The following SNX1 variants were observed in gnomAD, a reference collection of about 807,000 sequenced individuals.
The protein encoded by SNX1 is sorting nexin-1.
In SNX1, 36 loss-of-function variants were observed where a neutral mutation model predicts 71.8. That is an observed-to-expected ratio of 0.50 (90% CI 0.38 to 0.66). The LOEUF is 0.66. Among genes scored for constraint, SNX1 ranks in the 30% least tolerant of loss-of-function variants. The probability of loss-of-function intolerance (pLI) is 0.00; values close to 1 mark genes in which losing one functional copy is unlikely to be tolerated. For missense variants in SNX1, 612 were observed against 646.7 expected, an observed-to-expected ratio of 0.95 and a Z score of 0.58; for synonymous variants, 254 against 240.7, an observed-to-expected ratio of 1.06 and a Z score of -0.51.
chr15:64,132,848 T>C (rs1794333177), intron 11 of SNX1, among the ~76,000 whole-genome samples: 2 of 152,212 alleles, frequency 1.3e-5, no homozygotes, highest in Admixed American at 6.5e-5. Context: ...TCCTCTCCCA[T>C]TGCTATTTGG....
rs1214152262 is a variant in SNX1 at position 64,138,737 on chromosome 15, G to C, written c.*1119G>C. 6.5e-6 allele frequency: 1 copy of C among 152,852 alleles called. No homozygotes were observed. The highest frequency in any genetic ancestry group is 2.4e-5 in the African/African-American group (1 of 41,462). The allele number at this position is 152,852 out of a possible 1,614,324, so 9.5% of individuals were successfully genotyped here. A position where few individuals can be genotyped will look rare whatever the true frequency, so the allele number is the denominator to read the frequency against. On this transcript the variant is annotated 3_prime_UTR_variant, in exon 15 of 15. Coordinates refer to ENST00000559844, the MANE Select transcript of SNX1 (RefSeq NM_003099.5). ...GCCAGGGGAGGCCAGAGTCTCGTCA[G>C]TCAAGGATGGGCTTCCCCCTTAGCT...
At position 64,137,699 on chromosome 15, in the gene SNX1, G is replaced by A. The variant is rs569007550; in HGVS notation, c.*81G>A. 8.2e-5 allele frequency: 132 copies of A among 1,603,398 alleles called. No individual in the cohort carries two copies. Among genetic ancestry groups the A allele is most frequent in the Non-Finnish European group, 1.1e-4 (124 of 1,173,582 alleles). On this transcript the variant is annotated 3_prime_UTR_variant, in exon 15 of 15. Transcript: ENST00000559844. ...TCCTCCACCTTGATGGACCCCTAGTGATGCATCCTGCCTAGGCTGGACTTA... is the reference window on the plus strand; with the variant it reads ...TCCTCCACCTTGATGGACCCCTAGTAATGCATCCTGCCTAGGCTGGACTTA...
chr15:64,131,305 A>G (rs1157068486), intron 10 of SNX1, among the ~76,000 whole-genome samples: 1 of 152,222 alleles, frequency 6.6e-6, no homozygotes, highest in East Asian at 1.9e-4. Context: ...CGATGTGCAC[A>G]TGTATTCACT....
chr15:64,125,502 G>A (rs568097619), intron 5 of SNX1, among the ~76,000 whole-genome samples: 71 of 151,064 alleles, frequency 4.7e-4, no homozygotes, highest in Non-Finnish European at 8.7e-4. Flanking sequence ...AGAATGAGCT[G>A]GGCATGGTAG....
intron 1 of SNX1, among the ~76,000 whole-genome samples, chr15:64,099,273 C>G (rs1435616388): frequency 6.6e-6 from 1 of 152,106 alleles, no homozygotes; most frequent in East Asian, 1.9e-4. Context: ...TAGTATTTAC[C>G]TCCACCACTA....
In SNX1 at chr15:64,131,782, G is replaced by T; in HGVS notation, c.1111G>T (p.Ala371Ser). 3 of 1,614,206 alleles carry T rather than the reference G, an allele frequency of 1.9e-6. No individual in the cohort carries two copies. The highest frequency in any genetic ancestry group is 2.5e-6 in the Non-Finnish European group (3 of 1,180,042). The change falls in exon 11 of 15, where the codon GCT becomes TCT. Residue 371 changes from alanine (A) to serine (S), a missense_variant. This residue lies in a region of SNX1 where 296 missense variants were observed against 361.9 expected (regional missense o/e 0.82). Transcript: ENST00000559844. ...TALSRALSQL[A>S]EVEEKIEQLH... ...ATTGTCACGGGCACTCTCCCAGCTGGCTGAGGTGGAAGAAAAAATTGAGCA... is the reference window on the plus strand; with the variant it reads ...ATTGTCACGGGCACTCTCCCAGCTGTCTGAGGTGGAAGAAAAAATTGAGCA...
rs571902288 is a variant in SNX1, at chr15:64,136,555, T to G, written c.1446+145T>G. ...GCAGGCGTGGCCTTCTTTGGGGGGG[T>G]GTGTGCTTGATCCTAGGAACAGTGG... On this transcript the variant is annotated intron_variant, in intron 13 of 14. Coordinates refer to ENST00000559844, the MANE Select transcript of SNX1 (RefSeq NM_003099.5). 3.4e-5 allele frequency: 24 copies of G among 716,274 alleles called. No individual in the cohort carries two copies. The East Asian group carries it at 4.7e-4, about 14-fold the overall frequency. 44.4% of individuals were successfully genotyped at this position (716,274 alleles called of 1,614,324 possible).
chr15:64,103,407 C>T (rs2080984973), intron 1 of SNX1, among the ~76,000 whole-genome samples: 1 of 151,988 alleles, frequency 6.6e-6, no homozygotes, highest in Non-Finnish European at 1.5e-5. Flanking sequence ...TTATACATTG[C>T]TGGGTTTGGA....
intron 12 of SNX1, among the ~76,000 whole-genome samples, chr15:64,135,621 T>A (rs2081351294): frequency 6.6e-6 from 1 of 151,446 alleles, no homozygotes; most frequent in Admixed American, 6.6e-5. Flanking sequence ...TAGCTGGGCG[T>A]GGTAGCACCC....
chr15:64,119,450 C>T (rs1484952888), intron 4 of SNX1, among the ~76,000 whole-genome samples: 1 of 152,120 alleles, frequency 6.6e-6, no homozygotes, highest in Non-Finnish European at 1.5e-5. Context: ...CCCCAACAGG[C>T]CAGCCATGGT....
At chr15:64,130,549 A>G (rs529019704) in intron 10 of SNX1, among the ~76,000 whole-genome samples, 1 of 152,334 alleles carries the variant, frequency 6.6e-6, no homozygotes, top group South Asian at 2.1e-4. Context: ...GGTGCAGGGA[A>G]GCCATCCCAG....
At chr15:64,120,264 G>GTTTTTTT (rs1407289740) in intron 4 of SNX1, among the ~76,000 whole-genome samples, 17 of 116,366 alleles carry the variant, frequency 1.5e-4, no homozygotes, top group African/African-American at 6.1e-4. Flanking sequence ...CAAAATGGTT[G>GTTTTTTT]TCTTTTTTTT....
chr15:64,131,935 T>G, intron 11 of SNX1, 43 bp downstream of exon 11: 26 of 1,598,094 alleles, frequency 1.6e-5, no homozygotes, highest in Non-Finnish European at 2.2e-5. Context: ...TTGATTTGAT[T>G]TGTTTTTCCT....
intron 5 of SNX1, 61 bp downstream of exon 5, chr15:64,123,607 C>A: frequency 7.5e-7 from 1 of 1,330,896 alleles, no homozygotes; most frequent in South Asian, 1.2e-5. Flanking sequence ...ATACCAAGGT[C>A]ATCATTCAGA....
chr15:64,116,427 A>G (rs1478432948), intron 2 of SNX1, among the ~76,000 whole-genome samples: 1 of 152,166 alleles, frequency 6.6e-6, no homozygotes. Context: ...CTCCCACCCC[A>G]GAGTCAGATT....
chr15:64,133,408 A>G (rs2081326694), intron 11 of SNX1, among the ~76,000 whole-genome samples: 1 of 152,216 alleles, frequency 6.6e-6, no homozygotes, highest in Non-Finnish European at 1.5e-5. Flanking sequence ...AGTTTTGGCA[A>G]AAGCCTGTGC....
intron 1 of SNX1, among the ~76,000 whole-genome samples, chr15:64,110,335 G>A (rs1022701866): frequency 6.6e-6 from 1 of 152,192 alleles, no homozygotes; most frequent in Non-Finnish European, 1.5e-5. Flanking sequence ...GCAGTTTTCT[G>A]TTCTCACAAG....
At chr15:64,110,385 T>G (rs1415538064) in intron 1 of SNX1, among the ~76,000 whole-genome samples, 1 of 152,078 alleles carries the variant, frequency 6.6e-6, no homozygotes, top group African/African-American at 2.4e-5. Context: ...TAAGTCTGTT[T>G]TAATCACAGT....
At position 64,127,202 on chromosome 15, in the gene SNX1, A is replaced by G; in HGVS notation, c.681A>G (p.Glu227=). 6.2e-7 allele frequency: 1 copy of G among 1,613,844 alleles called. No homozygotes were observed. Among genetic ancestry groups the G allele is most frequent in the Non-Finnish European group, 8.5e-7 (1 of 1,179,860 alleles). The change falls in exon 7 of 15, where the codon GAA becomes GAG. Residue 227 remains glutamate, a synonymous_variant. Transcript: ENST00000559844. ...IGMTKVKVGK[E]DSSSAEFLEK... is the part of the protein sequence containing the mutation. Reference sequence around the variant, plus strand: ...TGACAAAAGTGAAAGTTGGGAAGGAAGATTCTTCTTCTGCAGAATTTCTTG... The same window carrying G: ...TGACAAAAGTGAAAGTTGGGAAGGAGGATTCTTCTTCTGCAGAATTTCTTG...
Sources: allele counts gnomAD v4.1 joint callset (sites outside exome capture counted in the v4.1 genomes callset), GRCh38; gene constraint gnomAD v4.1.1; regional missense constraint gnomAD v4.1.1; transcripts MANE v1.5; gene names NCBI Gene and HGNC (gene_info 2026-07-23, HGNC 2026-07-21).